The following ACBD5 variants were observed in gnomAD, a reference collection of about 807,000 sequenced individuals.
ACBD5 encodes the protein acyl-CoA-binding domain-containing protein 5.
Under a neutral mutation model 71.8 loss-of-function variants are expected in ACBD5, and 40 were observed. That is an observed-to-expected ratio of 0.56 (90% CI 0.43 to 0.72). The LOEUF is 0.72. ACBD5 is among the 30% of genes least tolerant of loss of function. The pLI is 0.00. For synonymous variants in ACBD5, 229 were observed against 218.6 expected (o/e 1.05, Z -0.42); for missense variants, 559 against 644.5 (o/e 0.87, Z 1.44).
intron 12 of ACBD5, 31 bp downstream of exon 12, chr10:27,204,409 A>T: frequency 6.6e-7 from 1 of 1,514,038 alleles, no homozygotes; most frequent in Non-Finnish European, 9.2e-7. Flanking sequence ...TGAGAGTTAT[A>T]CACCATTTCA....
At chr10:27,231,894 A>C in intron 3 of ACBD5, 74 bp from the exon 4 acceptor site, 1 of 1,373,742 alleles carries the variant, frequency 7.3e-7, no homozygotes, top group Non-Finnish European at 1.0e-6. Flanking sequence ...TTTATAGTTG[A>C]TGCTATAGGG....
chr10:27,227,826 T>C (rs189927142), intron 4 of ACBD5, among the ~76,000 whole-genome samples: 2,361 of 152,014 alleles, frequency 0.016, 33 homozygotes, highest in Middle Eastern at 0.034. Flanking sequence ...GATTCTTCTG[T>C]CTCAGCCCCT....
intron 4 of ACBD5, among the ~76,000 whole-genome samples, chr10:27,230,608 C>T (rs927277865): frequency 4.6e-5 from 7 of 151,960 alleles, no homozygotes; most frequent in South Asian, 2.1e-4. Flanking sequence ...ACCAGCCTGG[C>T]CAACATCGTG....
intron 4 of ACBD5, among the ~76,000 whole-genome samples, chr10:27,228,521 G>A (rs1203772781): frequency 6.6e-6 from 1 of 151,514 alleles, no homozygotes; most frequent in Non-Finnish European, 1.5e-5. Flanking sequence ...ACGTTGCAGT[G>A]AGCCAAGATG....
chr10:27,227,045 A>G (rs963635245), intron 4 of ACBD5, among the ~76,000 whole-genome samples: 7 of 73,018 alleles, frequency 9.6e-5, no homozygotes, highest in African/African-American at 3.8e-4. Flanking sequence ...TTCACCAACT[A>G]TTGTTAGTAT....
At chr10:27,198,109 G>A (rs1307609068) in intron 12 of ACBD5, among the ~76,000 whole-genome samples, 1 of 152,212 alleles carries the variant, frequency 6.6e-6, no homozygotes, top group African/African-American at 2.4e-5. Context: ...GAGGATAATA[G>A]ATGTACGACC....
rs2059346487 is a variant in ACBD5 at position 27,195,963 on chromosome 10, G to C, written c.*1467C>G. The C allele has an allele frequency of 4.6e-6, 2 of 436,300 alleles. No homozygotes were observed. Among genetic ancestry groups the C allele is most frequent in the Non-Finnish European group, 9.0e-6 (2 of 221,190 alleles). 27.0% of individuals were successfully genotyped at this position (436,300 alleles called of 1,614,324 possible). ...CACGCCTCTAATCCCAGCACTTTGG[G>C]AGGCCGAGGCAGGCAGATCACCTGA... On this transcript the variant is annotated 3_prime_UTR_variant, in exon 13 of 13. Transcript: ENST00000396271.
chr10:27,211,020 C>A lies in ACBD5; in HGVS notation c.998G>T (p.Ser333Ile). The stretch of plus-strand genomic sequence containing the variant: ...AAATCCAGAATTTTCCATGGGTTGA[C>A]TGGAATGACCACCCAAGTAATACTG... ...PFQYYLGGHS[S>I]QPMENSGFRE... Residue 333 changes from serine to isoleucine, a missense_variant, in exon 9 of 13, where the codon AGT becomes ATT. Ser to Ile is a moderately radical substitution (Grantham distance 142, BLOSUM62 -2). Transcript: ENST00000396271. 1 of 1,614,092 alleles carries A rather than the reference C, an allele frequency of 6.2e-7. No individual in the cohort carries two copies. Among genetic ancestry groups the A allele is most frequent in the Non-Finnish European group, 8.5e-7 (1 of 1,180,008 alleles).
chr10:27,189,753 C>T (rs958502290), intron 13 of ACBD5, among the ~76,000 whole-genome samples: 20 of 131,654 alleles, frequency 1.5e-4, no homozygotes, highest in Admixed American at 7.9e-4. Context: ...TACCCTAGAA[C>T]TTAAAGTATA....
chr10:27,200,161 G>A (rs1016908308), intron 12 of ACBD5, among the ~76,000 whole-genome samples: 4 of 152,114 alleles, frequency 2.6e-5, no homozygotes, highest in African/African-American at 7.2e-5. Flanking sequence ...GAGATAGGAG[G>A]TCGGCACAAG....
At chr10:27,197,978 C>T (rs760448488) in intron 12 of ACBD5, among the ~76,000 whole-genome samples, 2 of 152,184 alleles carry the variant, frequency 1.3e-5, no homozygotes, top group Non-Finnish European at 2.9e-5. Context: ...TTCATCCTCT[C>T]TTACTTTCTA....
At chr10:27,204,186 TGTGGTTGCCTAAATCAAAG>T (rs2060227521) in intron 12 of ACBD5, among the ~76,000 whole-genome samples, 1 of 149,070 alleles carries the variant, frequency 6.7e-6, no homozygotes, top group South Asian at 2.1e-4. Context: ...GTCATTTTTG[TGTGGTTGCCTAAATCAAAG>T]GTGTATAAAT....
intron 12 of ACBD5, among the ~76,000 whole-genome samples, chr10:27,201,394 T>C (rs1002099552): frequency 3.9e-5 from 6 of 152,154 alleles, no homozygotes; most frequent in Non-Finnish European, 7.3e-5. Context: ...CACTGCAGAG[T>C]GATAGCATAA....
rs889319407 is a variant in ACBD5 at position 27,195,283 on chromosome 10, A to C, written c.*2147T>G. On this transcript the variant is annotated 3_prime_UTR_variant, in exon 13 of 13. Transcript: ENST00000396271. ...ACAGAAAAGAAGTTATCATTAAAAA[A>C]ATACCATAGCTGTCAAGTTTAAATG... 6.9e-6 allele frequency: 3 copies of C among 431,976 alleles called. No individual in the cohort carries two copies. The highest frequency in any genetic ancestry group is 2.1e-5 in the African/African-American group (1 of 48,600). The allele number at this position is 431,976 out of a possible 1,614,324, so 26.8% of individuals were successfully genotyped here.
chr10:27,214,795 C>T (rs990553998), intron 8 of ACBD5, among the ~76,000 whole-genome samples: 3 of 152,146 alleles, frequency 2.0e-5, no homozygotes, highest in African/African-American at 4.8e-5. Context: ...CCTGTAATCC[C>T]GGCATTTTGG....
intron 7 of ACBD5, among the ~76,000 whole-genome samples, chr10:27,217,165 A>G (rs2061739123): frequency 8.2e-6 from 1 of 122,304 alleles, no homozygotes; most frequent in African/African-American, 3.0e-5. Context: ...AAAAAAAAAG[A>G]TGTTTCTCGG....
At position 27,215,596 on chromosome 10, in the gene ACBD5, A is replaced by G. The variant is rs1299862629; in HGVS notation, c.875T>C (p.Leu292Ser). The part of the protein sequence containing the change: ...HVEDVTGIQH[L>S]TSDSDSEVYC... Reference sequence around the variant, plus strand: ...AACTTCACTGTCTGAATCGCTTGTCAAATGCTGAATTCCTGTAACATCTTC... The same window carrying G: ...AACTTCACTGTCTGAATCGCTTGTCGAATGCTGAATTCCTGTAACATCTTC... The change falls in exon 8 of 13, where the codon TTG becomes TCG. Residue 292 changes from leucine (L) to serine (S), a missense_variant. Physicochemically the swap from Leu to Ser is moderately radical, Grantham distance 145. Transcript: ENST00000396271. 1 of 1,613,698 alleles carries G rather than the reference A, an allele frequency of 6.2e-7. No individual in the cohort carries two copies. Among genetic ancestry groups the G allele is most frequent in the Non-Finnish European group, 8.5e-7 (1 of 1,179,790 alleles).
At chr10:27,204,348 T>C in intron 12 of ACBD5, 92 bp downstream of exon 12, 1 of 858,200 alleles carries the variant, frequency 1.2e-6, no homozygotes, top group Non-Finnish European at 2.0e-6. Flanking sequence ...ATCTATAAAA[T>C]GGACCTAGCA....
intron 13 of ACBD5, among the ~76,000 whole-genome samples, chr10:27,188,096 C>T (rs2058882590): frequency 2.0e-5 from 3 of 152,084 alleles, no homozygotes; most frequent in Non-Finnish European, 2.9e-5. Context: ...ATGTAGTTGA[C>T]AAAATGTACA....
Sources: gnomAD v4.1 joint callset for allele counts (sites outside exome capture counted in the v4.1 genomes callset) on GRCh38, gnomAD v4.1.1 for gene constraint, MANE v1.5 for transcripts, NCBI Gene and HGNC (gene_info 2026-07-23, HGNC 2026-07-21) for gene names.